Variants in RAP1A observed in about 807,000 individuals in gnomAD.
RAP1A encodes RAP1A, member of RAS oncogene family.
RAP1A carries 6 observed loss-of-function variants against 26.4 expected under a neutral mutation model. The ratio of observed to expected loss-of-function variants is 0.23; its 90% CI spans 0.12 to 0.45. RAP1A has a LOEUF of 0.45. RAP1A is among the 20% of genes least tolerant of loss of function. The pLI is 0.99. For synonymous variants in RAP1A, 73 were observed against 79.4 expected, an observed-to-expected ratio of 0.92 and a Z score of 0.43; for missense variants, 121 against 217.2, an observed-to-expected ratio of 0.56 and a Z score of 2.78.
chr1:111,662,332 T>C (rs372083575), intron 1 of RAP1A, among the ~76,000 whole-genome samples: 100 of 148,686 alleles, frequency 6.7e-4, no homozygotes, highest in African/African-American at 2.3e-3. Flanking sequence ...GAGGCGGAGC[T>C]TGCAGTGAGC....
chr1:111,618,561 C>T (rs2101084858), upstream of RAP1A, among the ~76,000 whole-genome samples: 1 of 152,240 alleles, frequency 6.6e-6, no homozygotes, highest in South Asian at 2.1e-4. Flanking sequence ...GCTAATGAAT[C>T]CCAAATGTAT....
At chr1:111,612,233 A>G (rs1658937984) in intron 1 of RAP1A, among the ~76,000 whole-genome samples, 1 of 152,140 alleles carries the variant, frequency 6.6e-6, no homozygotes, top group African/African-American at 2.4e-5. Context: ...CTCTCTCTCC[A>G]GTGGCCAGCT....
intron 1 of RAP1A, among the ~76,000 whole-genome samples, chr1:111,610,756 G>C (rs1334091314): frequency 2.6e-5 from 4 of 152,152 alleles, no homozygotes; most frequent in Non-Finnish European, 5.9e-5. Flanking sequence ...TTCCTGTAAG[G>C]CTGCACTGGT....
At chr1:111,624,585 C>A (rs1465431966) in intron 1 of RAP1A, among the ~76,000 whole-genome samples, 1 of 152,082 alleles carries the variant, frequency 6.6e-6, no homozygotes, top group African/African-American at 2.4e-5. Context: ...TCATGAGGTT[C>A]TGATCAACAA....
At chr1:111,598,865 G>A (rs1037549739) in intron 1 of RAP1A, among the ~76,000 whole-genome samples, 4 of 152,108 alleles carry the variant, frequency 2.6e-5, no homozygotes, top group Non-Finnish European at 4.4e-5. Flanking sequence ...CCTACCAGTC[G>A]CAAGTCTGGG....
At chr1:111,549,509 G>T (rs1166725422) in intron 1 of RAP1A, among the ~76,000 whole-genome samples, 3 of 151,830 alleles carry the variant, frequency 2.0e-5, no homozygotes, top group Non-Finnish European at 4.4e-5. Flanking sequence ...AATTAACCTG[G>T]TGTGGTGGCA....
intron 1 of RAP1A, among the ~76,000 whole-genome samples, chr1:111,658,771 T>G (rs1341983590): frequency 1.3e-5 from 2 of 152,194 alleles, no homozygotes; most frequent in African/African-American, 2.4e-5. Flanking sequence ...ATTGATGGTG[T>G]TGTTTACTTC....
chr1:111,557,697 A>G (rs1657557231), intron 1 of RAP1A, among the ~76,000 whole-genome samples: 1 of 152,208 alleles, frequency 6.6e-6, no homozygotes, highest in Admixed American at 6.5e-5. Context: ...AGATGCTAGA[A>G]GGGATACTAA....
intron 1 of RAP1A, among the ~76,000 whole-genome samples, chr1:111,580,711 G>A (rs1242271761): frequency 6.6e-6 from 1 of 152,132 alleles, no homozygotes; most frequent in African/African-American, 2.4e-5. Context: ...GCCAGGTGCA[G>A]TGGCAGGTGC....
chr1:111,711,129 G>A (rs758236406), intron 7 of RAP1A, among the ~76,000 whole-genome samples: 2 of 152,138 alleles, frequency 1.3e-5, no homozygotes, highest in Non-Finnish European at 2.9e-5. Flanking sequence ...GAGCCACCGC[G>A]CCTGGCCTTG....
chr1:111,660,415 G>T, intron 1 of RAP1A, among the ~76,000 whole-genome samples: 1 of 152,126 alleles, frequency 6.6e-6, no homozygotes, highest in East Asian at 1.9e-4. Flanking sequence ...AGTGTTCTCT[G>T]AACTTCCTGG....
At chr1:111,615,796 A>C (rs936990644), upstream of RAP1A, among the ~76,000 whole-genome samples, 1 of 145,670 alleles carries the variant, frequency 6.9e-6, no homozygotes, top group Non-Finnish European at 1.5e-5. Flanking sequence ...GTGCCACTGC[A>C]CTCCAGCCTG....
Position 111,598,277 on chromosome 1 carries a change from G to A in RAP1A, c.-28+55768G>A, listed in dbSNP as rs959790845. Among the ~76,000 whole-genome samples, 4 of 152,238 alleles carry A rather than the reference G, an allele frequency of 2.6e-5. No individual in the cohort carries two copies. In the East Asian group the frequency reaches 5.8e-4, roughly 22 times the overall value. On this transcript the variant is annotated intron_variant, in intron 1 of 7. Coordinates refer to the RAP1A transcript ENST00000356415. ...ACAGGCAAAAGTCTTTTTTATATAC[G>A]TTAACAGATTTAAACTTTGTAACAA... is the stretch of plus-strand genomic sequence containing the variant.
intron 1 of RAP1A, among the ~76,000 whole-genome samples, chr1:111,635,503 A>C (rs1659701023): frequency 6.6e-6 from 1 of 152,200 alleles, no homozygotes; most frequent in Non-Finnish European, 1.5e-5. Context: ...TACAAGAAGC[A>C]CTTAAAATTA....
At chr1:111,621,597 C>T (rs1157743273) in intron 1 of RAP1A, among the ~76,000 whole-genome samples, 1 of 152,096 alleles carries the variant, frequency 6.6e-6, no homozygotes, top group Admixed American at 6.5e-5. Context: ...AATCTTCTGT[C>T]CTTTTGAGAG....
intron 1 of RAP1A, among the ~76,000 whole-genome samples, chr1:111,601,333 AG>A (rs1658667596): frequency 6.6e-6 from 1 of 152,136 alleles, no homozygotes; most frequent in Non-Finnish European, 1.5e-5. Flanking sequence ...CCCACTGCTG[AG>A]AAAGGAGATC....
At chr1:111,625,418 C>A (rs1659366985) in intron 1 of RAP1A, among the ~76,000 whole-genome samples, 1 of 152,030 alleles carries the variant, frequency 6.6e-6, no homozygotes, top group Non-Finnish European at 1.5e-5. Flanking sequence ...ATCCCAAATG[C>A]AGTTTATATG....
At chr1:111,629,238 TTA>T in intron 1 of RAP1A, among the ~76,000 whole-genome samples, 1 of 152,270 alleles carries the variant, frequency 6.6e-6, no homozygotes, top group African/African-American at 2.4e-5. Flanking sequence ...TAGAAAAACA[TTA>T]CTTTTAGTGT....
rs537612879 is a variant in RAP1A, at chr1:111,548,400, A to G, written c.-28+5891A>G. 3.9e-5 allele frequency among the ~76,000 whole-genome samples: 6 copies of G among 152,318 alleles called. No individual in the cohort carries two copies. The East Asian group carries it at 7.7e-4, about 20-fold the overall frequency. ...GATCATACTGGTAAAACTATATGTC[A>G]TCTCCTGTTATAATCCTTTAAAGAA... On this transcript the variant is annotated intron_variant, in intron 1 of 7. Coordinates refer to the RAP1A transcript ENST00000356415.
Sources: gnomAD v4.1 joint callset for allele counts (sites outside exome capture counted in the v4.1 genomes callset) on GRCh38, gnomAD v4.1.1 for gene constraint, MANE v1.5 for transcripts, NCBI Gene and HGNC (gene_info 2026-07-23, HGNC 2026-07-21) for gene names.